The following RNF111 variants were observed in gnomAD, a reference collection of about 807,000 sequenced individuals.
RNF111 encodes the protein E3 ubiquitin-protein ligase Arkadia.
Under a neutral mutation model 95.1 loss-of-function variants are expected in RNF111, and 17 were observed. That is an observed-to-expected ratio of 0.18 (90% CI 0.12 to 0.27). The LOEUF (loss-of-function observed/expected upper bound fraction) is 0.27, where lower values mean the gene tolerates loss of function less well. Ranked by LOEUF, RNF111 falls within the 10% of genes least tolerant of loss-of-function variation. RNF111 has a pLI of 1.00. For synonymous variants in RNF111, 440 were observed against 414.8 expected (o/e 1.06, Z -0.74); for missense variants, 1,189 against 1,210.4 (o/e 0.98, Z 0.26).
At chr15:59,003,737 A>G (rs530171640) in intron 1 of RNF111, among the ~76,000 whole-genome samples, 5 of 152,316 alleles carry the variant, frequency 3.3e-5, no homozygotes, top group East Asian at 3.9e-4. Flanking sequence ...CTCTAAAATT[A>G]TCTTGGTTTT....
intron 2 of RNF111, among the ~76,000 whole-genome samples, chr15:59,040,910 T>C (rs2041416999): frequency 6.6e-6 from 1 of 152,200 alleles, no homozygotes; most frequent in South Asian, 2.1e-4. Context: ...ATGTAAAACA[T>C]TTACCTAGCT....
At chr15:59,069,523 G>A (rs1388653733) in intron 6 of RNF111, among the ~76,000 whole-genome samples, 1 of 152,150 alleles carries the variant, frequency 6.6e-6, no homozygotes, top group South Asian at 2.1e-4. Flanking sequence ...GTTGTAGGTA[G>A]GATCTCTTTT....
chr15:58,996,495 C>T lies in RNF111; in HGVS notation c.-20+8427C>T, dbSNP rs375679171. ...ACTTGGGTGGCTGGAGCAGGAGAAT[C>T]GCTTGAACCTGGGAGGTGGAGGTTG... On this transcript the variant is annotated intron_variant, in intron 1 of 13. Coordinates refer to ENST00000348370, the MANE Select transcript of RNF111 (RefSeq NM_017610.8). Among the ~76,000 whole-genome samples, 696 of 151,594 alleles carry T rather than the reference C, an allele frequency of 4.6e-3. 5 individuals are homozygous for T. Among genetic ancestry groups the T allele is most frequent in the Middle Eastern group, 0.041 (12 of 292 alleles).
chr15:59,030,243 G>C (rs150374141), intron 1 of RNF111, among the ~76,000 whole-genome samples: 4 of 152,126 alleles, frequency 2.6e-5, no homozygotes, highest in East Asian at 3.9e-4. Context: ...GGAGAATTCA[G>C]ATTCTCATTA....
chr15:59,029,988 CATG>C (rs2040826252), intron 1 of RNF111, among the ~76,000 whole-genome samples: 1 of 152,276 alleles, frequency 6.6e-6, no homozygotes, highest in African/African-American at 2.4e-5. Context: ...CATTTTGAGT[CATG>C]ATATTTACTA....
intron 1 of RNF111, among the ~76,000 whole-genome samples, chr15:59,003,022 C>T (rs2039391823): frequency 6.6e-6 from 1 of 152,126 alleles, no homozygotes; most frequent in Non-Finnish European, 1.5e-5. Flanking sequence ...ATTATGTTGC[C>T]AGCGCGGGAT....
At chr15:59,066,308 G>C (rs1337287362) in intron 5 of RNF111, among the ~76,000 whole-genome samples, 1 of 152,060 alleles carries the variant, frequency 6.6e-6, no homozygotes, top group Non-Finnish European at 1.5e-5. Flanking sequence ...TGATGTATAT[G>C]TTAAGAATAT....
intron 1 of RNF111, among the ~76,000 whole-genome samples, chr15:59,006,873 G>A (rs904823745): frequency 6.6e-6 from 1 of 152,060 alleles, no homozygotes; most frequent in Non-Finnish European, 1.5e-5. Context: ...TGCAACCTCC[G>A]CCTCCCGGGT....
chr15:59,013,511 C>T (rs2039925513), intron 1 of RNF111, among the ~76,000 whole-genome samples: 1 of 152,160 alleles, frequency 6.6e-6, no homozygotes, highest in Non-Finnish European at 1.5e-5. Flanking sequence ...GGAAAGAATA[C>T]CACAGAAGTA....
At chr15:59,017,753 C>CTTTTTTTTTTTTTTTT (rs200975904) in intron 1 of RNF111, among the ~76,000 whole-genome samples, 2 of 120,962 alleles carry the variant, frequency 1.7e-5, no homozygotes, top group Non-Finnish European at 1.7e-5. Flanking sequence ...TTGTTGAACT[C>CTTTTTTTTTTTTTTTT]TTTTTTTTTT....
intron 1 of RNF111, among the ~76,000 whole-genome samples, chr15:59,012,154 G>A (rs1408400346): frequency 6.6e-6 from 1 of 151,754 alleles, no homozygotes; most frequent in African/African-American, 2.4e-5. Context: ...GAGTAGCTGG[G>A]ATTACAGGCA....
chr15:59,020,593 T>C (rs1314108042), intron 1 of RNF111, among the ~76,000 whole-genome samples: 1 of 152,258 alleles, frequency 6.6e-6, no homozygotes. Flanking sequence ...GTTGATGTTA[T>C]GTTTCTCTTT....
chr15:59,047,806 C>G (rs1028713560), intron 2 of RNF111, among the ~76,000 whole-genome samples: 1 of 152,168 alleles, frequency 6.6e-6, no homozygotes, highest in South Asian at 2.1e-4. Context: ...AACTCCTTAG[C>G]TCGAGCAATC....
chr15:59,068,538 G>A (rs1214968011), intron 6 of RNF111, among the ~76,000 whole-genome samples: 1 of 151,688 alleles, frequency 6.6e-6, no homozygotes, highest in African/African-American at 2.4e-5. Context: ...CTTTAGAGGT[G>A]GAGGTTGTAG....
At chr15:58,996,513 G>A (rs1311646830) in intron 1 of RNF111, among the ~76,000 whole-genome samples, 4 of 151,848 alleles carry the variant, frequency 2.6e-5, no homozygotes, top group Non-Finnish European at 4.4e-5. Flanking sequence ...CCTGGGAGGT[G>A]GAGGTTGCAG....
Position 59,097,213 on chromosome 15 carries a change from A to G in RNF111, c.*2313A>G, listed in dbSNP as rs2079187277. 6.6e-6 allele frequency: 1 copy of G among 152,278 alleles called. No individual in the cohort carries two copies. The highest frequency in any genetic ancestry group is 1.5e-5 in the Non-Finnish European group (1 of 68,046). The allele number at this position is 152,278 out of a possible 1,614,324, so 9.4% of individuals were successfully genotyped here. A position where few individuals can be genotyped will look rare whatever the true frequency, so the allele number is the denominator to read the frequency against. On this transcript the variant is annotated 3_prime_UTR_variant, in exon 14 of 14. Transcript: ENST00000348370. Reference sequence around the variant, plus strand: ...CATATCCTGCTGCATCTTATATGTCAAAATGAACATTTCAGTGGTAGCTGT... The same window carrying G: ...CATATCCTGCTGCATCTTATATGTCGAAATGAACATTTCAGTGGTAGCTGT...
At chr15:59,070,298 G>A (rs1382271584) in intron 6 of RNF111, among the ~76,000 whole-genome samples, 1 of 151,922 alleles carries the variant, frequency 6.6e-6, no homozygotes. Context: ...CTGGAATTGT[G>A]AAGAAGAGGG....
rs1328331798 is a variant in RNF111, at chr15:59,095,946, G to A, written c.*1046G>A. 1 of 398,174 alleles carries A rather than the reference G, an allele frequency of 2.5e-6. No individual in the cohort carries two copies. Among genetic ancestry groups the A allele is most frequent in the Non-Finnish European group, 4.4e-6 (1 of 225,632 alleles). The allele number at this position is 398,174 out of a possible 1,614,324, so 24.7% of individuals were successfully genotyped here. On this transcript the variant is annotated 3_prime_UTR_variant, in exon 14 of 14. Coordinates refer to ENST00000348370, the MANE Select transcript of RNF111 (RefSeq NM_017610.8). ...TTTTATTAGTTTAAAGGTAAATAAA[G>A]TCAGCTGAATCTACATGTCTCTTGT... is the stretch of plus-strand genomic sequence containing the variant.
chr15:59,011,396 A>C (rs77605367), intron 1 of RNF111, among the ~76,000 whole-genome samples: 164 of 152,308 alleles, frequency 1.1e-3, no homozygotes, highest in African/African-American at 3.8e-3. Context: ...TGTGTTTACA[A>C]TACTTGGGGC....
Sources: allele counts gnomAD v4.1 joint callset (sites outside exome capture counted in the v4.1 genomes callset), GRCh38; gene constraint gnomAD v4.1.1; transcripts MANE v1.5; gene names NCBI Gene and HGNC (gene_info 2026-07-23, HGNC 2026-07-21).